ZFPM2: variants seen among roughly 807,000 people sequenced by gnomAD.
The protein encoded by ZFPM2 is zinc finger protein ZFPM2.
A neutral mutation model predicts 98.6 loss-of-function variants in ZFPM2; 20 were observed. That is an observed-to-expected ratio of 0.20 (90% confidence interval 0.14 to 0.29). The LOEUF (loss-of-function observed/expected upper bound fraction) is 0.29, where lower values mean the gene tolerates loss of function less well. Ranked by LOEUF, ZFPM2 falls within the 10% of genes least tolerant of loss-of-function variation. The pLI, the probability that ZFPM2 is intolerant of heterozygous loss-of-function variation, is 1.00. For missense variants in ZFPM2, 1,310 were observed against 1,388.6 expected, an observed-to-expected ratio of 0.94 and a Z score of 0.90; for synonymous variants, 518 against 502.7, an observed-to-expected ratio of 1.03 and a Z score of -0.41.
chr8:105,581,549 C>A (rs1243131296), intron 4 of ZFPM2, among the ~76,000 whole-genome samples: 1 of 152,070 alleles, frequency 6.6e-6, no homozygotes, highest in East Asian at 1.9e-4. Context: ...CTAGAACTAA[C>A]CTGTTTATAA....
intron 4 of ZFPM2, among the ~76,000 whole-genome samples, chr8:105,564,492 T>C (rs563267497): frequency 1.3e-5 from 2 of 152,240 alleles, no homozygotes; most frequent in African/African-American, 4.8e-5. Context: ...TTATTCCTAC[T>C]ACTGTTACTA....
chr8:105,411,450 T>C (rs1236661382), intron 1 of ZFPM2, among the ~76,000 whole-genome samples: 2 of 151,832 alleles, frequency 1.3e-5, no homozygotes, highest in African/African-American at 4.8e-5. Flanking sequence ...GTGCCTACCA[T>C]GTTTAGCATC....
At position 105,610,183 on chromosome 8, in the gene ZFPM2, T is replaced by C. The variant is rs1186492788; in HGVS notation, c.421-24063T>C. On this transcript the variant is annotated intron_variant, in intron 4 of 7. Coordinates refer to ENST00000407775, the MANE Select transcript of ZFPM2 (RefSeq NM_012082.4). ...TTTTAGATAGTCGCCTTAGTAACAATCAGAGAGCCCAGGCTGTATCTTTTC... is the reference window on the plus strand; with the variant it reads ...TTTTAGATAGTCGCCTTAGTAACAACCAGAGAGCCCAGGCTGTATCTTTTC... Among the ~76,000 whole-genome samples the C allele has an allele frequency of 1.8e-4, 27 of 152,284 alleles. No homozygotes were observed. In the East Asian group the frequency reaches 5.0e-3, roughly 28 times the overall value.
At chr8:105,711,179 A>T (rs1811387079) in intron 5 of ZFPM2, among the ~76,000 whole-genome samples, 1 of 152,142 alleles carries the variant, frequency 6.6e-6, no homozygotes. Context: ...AATATTTGGG[A>T]CACAAAGTCT....
chr8:105,547,831 T>C (rs1814747924), intron 3 of ZFPM2, among the ~76,000 whole-genome samples: 1 of 152,134 alleles, frequency 6.6e-6, no homozygotes, highest in South Asian at 2.1e-4. Flanking sequence ...TCTGATATTA[T>C]TTATTAAAGT....
intron 6 of ZFPM2, among the ~76,000 whole-genome samples, chr8:105,794,623 G>A (rs1209531521): frequency 1.3e-5 from 2 of 152,322 alleles, no homozygotes; most frequent in South Asian, 2.1e-4. Context: ...GTCAGACAGG[G>A]ACATTTAAGT....
rs568961146 is a variant in ZFPM2, at chr8:105,437,709, A to G, written c.200-6571A>G. Among the ~76,000 whole-genome samples the G allele has an allele frequency of 3.9e-5, 6 of 152,140 alleles. No individual in the cohort carries two copies. In the South Asian group the frequency reaches 1.0e-3, roughly 26 times the overall value. ...AACTTAATTACCATAATCTTTTCCT[A>G]TGGGACTCTTTGGGAAGGTGGCTGC... On this transcript the variant is annotated intron_variant, in intron 2 of 7. Transcript: ENST00000407775.
At chr8:105,492,438 T>C (rs1813373889) in intron 3 of ZFPM2, among the ~76,000 whole-genome samples, 1 of 152,066 alleles carries the variant, frequency 6.6e-6, no homozygotes, top group Non-Finnish European at 1.5e-5. Context: ...CCTGAAAAAA[T>C]ACTATTTTGT....
At chr8:105,581,616 G>C (rs1310366496) in intron 4 of ZFPM2, among the ~76,000 whole-genome samples, 1 of 152,124 alleles carries the variant, frequency 6.6e-6, no homozygotes, top group Non-Finnish European at 1.5e-5. Flanking sequence ...TGGGCAAAAA[G>C]ACAACTGAAA....
At chr8:105,349,328 T>C (rs1812599413) in intron 1 of ZFPM2, among the ~76,000 whole-genome samples, 1 of 152,222 alleles carries the variant, frequency 6.6e-6, no homozygotes, top group African/African-American at 2.4e-5. Context: ...TTCAGCCGCC[T>C]AATTCCCATT....
chr8:105,676,254 C>G (rs1451890319), intron 5 of ZFPM2, among the ~76,000 whole-genome samples: 1 of 152,132 alleles, frequency 6.6e-6, no homozygotes, highest in African/African-American at 2.4e-5. Flanking sequence ...TATATTTTAG[C>G]ACCACCAAGC....
In ZFPM2 at chr8:105,728,552, T is replaced by C. The variant is rs1811864299; in HGVS notation, c.533-60166T>C. Among the ~76,000 whole-genome samples the C allele has an allele frequency of 2.0e-5, 3 of 151,682 alleles. No homozygotes were observed. The South Asian group carries it at 6.2e-4, about 31-fold the overall frequency. ...ACATGTGACTCATGCACACCTTTCA[T>C]TGGTCAAAGCGAATACCCTGGACTG... On this transcript the variant is annotated intron_variant, in intron 5 of 7. Coordinates refer to ENST00000407775, the MANE Select transcript of ZFPM2 (RefSeq NM_012082.4).
rs1811967937 is a variant in ZFPM2 at position 105,319,084 on chromosome 8, G to A, written c.40+103G>A. On this transcript the variant is annotated intron_variant, in intron 1 of 7. Transcript: ENST00000407775. ...TGGGTGGCGGGGCTAGGGGAGATCC[G>A]CTCCCGGTCCCCTAGATGTCTCAAA... 5 of 1,322,192 alleles carry A rather than the reference G, an allele frequency of 3.8e-6. No homozygotes were observed. In the Admixed American group the frequency reaches 9.8e-5, roughly 26 times the overall value. 81.9% of individuals were successfully genotyped at this position (1,322,192 alleles called of 1,614,324 possible).
chr8:105,470,981 T>A (rs1376608436), intron 3 of ZFPM2, among the ~76,000 whole-genome samples: 1 of 152,222 alleles, frequency 6.6e-6, no homozygotes, highest in African/African-American at 2.4e-5. Context: ...AAAATGTTCA[T>A]TACTCCTACT....
chr8:105,591,149 G>A (rs1815834413), intron 4 of ZFPM2, among the ~76,000 whole-genome samples: 1 of 151,726 alleles, frequency 6.6e-6, no homozygotes, highest in African/African-American at 2.4e-5. Flanking sequence ...TCAGTTTGCT[G>A]ATTTTGACTT....
At chr8:105,646,232 G>A (rs550580694) in intron 5 of ZFPM2, among the ~76,000 whole-genome samples, 4 of 152,226 alleles carry the variant, frequency 2.6e-5, no homozygotes, top group South Asian at 2.1e-4. Context: ...AACTCTCACT[G>A]CACATCCTCC....
At chr8:105,348,842 G>T (rs1484730034) in intron 1 of ZFPM2, among the ~76,000 whole-genome samples, 2 of 152,100 alleles carry the variant, frequency 1.3e-5, no homozygotes, top group Non-Finnish European at 2.9e-5. Flanking sequence ...ATCTGGAATT[G>T]TTTGATTTTA....
rs1165229184 is a variant in ZFPM2 at position 105,704,428 on chromosome 8, G to C, written c.532+70071G>C. ...ATTGATTTGGTATCTTACATTTGAA[G>C]TACATGGTTCTCTCTGTGCTTGAAA... On this transcript the variant is annotated intron_variant, in intron 5 of 7. Transcript: ENST00000407775. Among the ~76,000 whole-genome samples, 7 of 152,104 alleles carry C rather than the reference G, an allele frequency of 4.6e-5. 1 individual carries two copies. Among genetic ancestry groups the C allele is most frequent in the Non-Finnish European group, 8.8e-5 (6 of 68,028 alleles).
chr8:105,642,427 TA>T (rs1816964806), intron 5 of ZFPM2, among the ~76,000 whole-genome samples: 1 of 152,166 alleles, frequency 6.6e-6, no homozygotes, highest in African/African-American at 2.4e-5. Context: ...TAATTTAAGA[TA>T]AATATTTGCA....
Sources: allele counts gnomAD v4.1 joint callset (sites outside exome capture counted in the v4.1 genomes callset), GRCh38; gene constraint gnomAD v4.1.1; transcripts MANE v1.5; gene names NCBI Gene and HGNC (gene_info 2026-07-23, HGNC 2026-07-21).